ASH2L: variants seen among roughly 807,000 people sequenced by gnomAD.
ASH2L encodes ASH2 like, histone lysine methyltransferase complex subunit.
In ASH2L, 30 loss-of-function variants were observed where a neutral mutation model predicts 81.1. The ratio of observed to expected loss-of-function variants is 0.37; its 90% CI spans 0.28 to 0.50. The LOEUF (loss-of-function observed/expected upper bound fraction) is 0.50, where lower values mean the gene tolerates loss of function less well. ASH2L is among the 20% of genes least tolerant of loss of function. The pLI, the probability that ASH2L is intolerant of heterozygous loss-of-function variation, is 0.95. For missense variants in ASH2L, 559 were observed against 792.1 expected, an observed-to-expected ratio of 0.71 and a Z score of 3.53; for synonymous variants, 273 against 279.9, an observed-to-expected ratio of 0.98 and a Z score of 0.24.
At chr8:38,133,311 A>G (rs1036824175) in intron 12 of ASH2L, 143 bp from the exon 13 acceptor site, 2 of 647,176 alleles carry the variant, frequency 3.1e-6, no homozygotes, top group African/African-American at 3.7e-5. Context: ...AATAGTTCAA[A>G]ATCTAGCAAA....
intron 9 of ASH2L, among the ~76,000 whole-genome samples, chr8:38,120,050 A>G (rs1207666946): frequency 3.3e-5 from 5 of 152,298 alleles, no homozygotes; most frequent in African/African-American, 9.6e-5. Context: ...GCTTGAACCC[A>G]GGAGGCAGAG....
At chr8:38,127,282 G>C (rs1025197252) in intron 10 of ASH2L, among the ~76,000 whole-genome samples, 23 of 150,666 alleles carry the variant, frequency 1.5e-4, no homozygotes, top group South Asian at 4.2e-4. Context: ...ATGGTGAGCT[G>C]TGGTTGTGCG....
Position 38,139,118 on chromosome 8 carries a change from G to T in ASH2L, c.*47G>T. 7.1e-7 allele frequency: 1 copy of T among 1,414,264 alleles called. No individual in the cohort carries two copies. Among genetic ancestry groups the T allele is most frequent in the Non-Finnish European group, 9.6e-7 (1 of 1,045,702 alleles). The allele number at this position is 1,414,264 out of a possible 1,614,324, so 87.6% of individuals were successfully genotyped here. A position where few individuals can be genotyped will look rare whatever the true frequency, so the allele number is the denominator to read the frequency against. ...AGGACTTTCTGGGAATAATACTGGG[G>T]GTTTTGTTTTTGTTTTTGAACTGTC... On this transcript the variant is annotated 3_prime_UTR_variant, in exon 16 of 16. Transcript: ENST00000343823.
chr8:38,106,123 G>A, intron 1 of ASH2L: 2 of 1,528,032 alleles, frequency 1.3e-6, no homozygotes, highest in Non-Finnish European at 8.8e-7. Flanking sequence ...CCTCTCCCAG[G>A]ACCAACTCTA....
chr8:38,106,953 T>C (rs1378063595), intron 2 of ASH2L, 68 bp from the exon 3 acceptor site: 60 of 1,581,244 alleles, frequency 3.8e-5, no homozygotes, highest in Non-Finnish European at 5.1e-5. Context: ...CCCCGTCTCT[T>C]AAAAAAATAA....
Position 38,110,687 on chromosome 8 carries a change from A to G in ASH2L, c.491-52A>G. On this transcript the variant is annotated intron_variant, in intron 4 of 15. Coordinates refer to ENST00000343823, the MANE Select transcript of ASH2L (RefSeq NM_004674.5). Reference sequence around the variant, plus strand: ...ACCACTTATCGAGTATTCCCTTGGTAGTAGAGATGTAGTACTACAGATAAC... The same window carrying G: ...ACCACTTATCGAGTATTCCCTTGGTGGTAGAGATGTAGTACTACAGATAAC... 4 of 1,415,656 alleles carry G rather than the reference A, an allele frequency of 2.8e-6. No homozygotes were observed. The Middle Eastern group carries it at 7.0e-4, about 246-fold the overall frequency. The allele number at this position is 1,415,656 out of a possible 1,614,324, so 87.7% of individuals were successfully genotyped here. A position where few individuals can be genotyped will look rare whatever the true frequency, so the allele number is the denominator to read the frequency against.
At chr8:38,109,647 A>G (rs1810600655) in intron 3 of ASH2L, among the ~76,000 whole-genome samples, 1 of 152,158 alleles carries the variant, frequency 6.6e-6, no homozygotes, top group African/African-American at 2.4e-5. Flanking sequence ...TTGCCTTCAA[A>G]TAGGCAAGTC....
intron 8 of ASH2L, chr8:38,118,992 A>G (rs1469181185): frequency 6.4e-6 from 2 of 310,720 alleles, no homozygotes; most frequent in African/African-American, 2.3e-5. Context: ...AAGTATACCA[A>G]TAGTTGCAGT....
In ASH2L at chr8:38,128,815, A is replaced by G; in HGVS notation, c.1391A>G (p.Lys464Arg). ...TTTAGCTATTCTTGGCGGAGCAAAAAGGGAACCAAGTTCCACCAGTCCATT... is the reference window on the plus strand; with the variant it reads ...TTTAGCTATTCTTGGCGGAGCAAAAGGGGAACCAAGTTCCACCAGTCCATT... ...DKFSYSWRSK[K>R]GTKFHQSIGK... The change falls in exon 12 of 16, where the codon AAG becomes AGG. Residue 464 changes from lysine to arginine, a missense_variant. By Grantham distance (26) the Lys-to-Arg change is conservative. This residue lies in a region of ASH2L where 318 missense variants were observed against 527.0 expected (regional missense o/e 0.60). Coordinates refer to ENST00000343823, the MANE Select transcript of ASH2L (RefSeq NM_004674.5). The G allele has an allele frequency of 6.2e-7, 1 of 1,614,150 alleles. No homozygotes were observed. Among genetic ancestry groups the G allele is most frequent in the Non-Finnish European group, 8.5e-7 (1 of 1,180,024 alleles).
intron 14 of ASH2L, 73 bp from the exon 15 acceptor site, chr8:38,138,743 C>T (rs1802370190): frequency 2.3e-6 from 3 of 1,319,798 alleles, no homozygotes; most frequent in East Asian, 4.6e-5. Context: ...GTGAAAATTT[C>T]CTGTGTCAAA....
intron 3 of ASH2L, among the ~76,000 whole-genome samples, chr8:38,109,546 T>G (rs1810596155): frequency 6.6e-6 from 1 of 152,250 alleles, no homozygotes; most frequent in Non-Finnish European, 1.5e-5. Flanking sequence ...TCTTGTGCAA[T>G]CACTACCATG....
rs777459951 is a variant in ASH2L at position 38,114,929 on chromosome 8, G to C, written c.706G>C (p.Val236Leu). The change falls in exon 7 of 16, where the codon GTA (valine) becomes CTA (leucine). Residue 236 changes from valine (V) to leucine (L), a missense_variant. Transcript: ENST00000343823. The stretch of plus-strand genomic sequence containing the variant: ...GAGTAAAGAAAGAGATGTATTCTTG[G>C]TAAAGGAACACCCAGATCCAGGCAG... ...TMSKERDVFL[V>L]KEHPDPGSKD... The C allele has an allele frequency of 1.2e-6, 2 of 1,611,890 alleles. No homozygotes were observed. Among genetic ancestry groups the C allele is most frequent in the Non-Finnish European group, 1.7e-6 (2 of 1,178,200 alleles).
chr8:38,114,735 T>C (rs1398183564), intron 6 of ASH2L, 170 bp from the exon 7 acceptor site: 2 of 580,948 alleles, frequency 3.4e-6, no homozygotes, highest in Non-Finnish European at 6.2e-6. Context: ...TGTGTTTCTC[T>C]GTTGTTTGAA....
chr8:38,105,821 C>T, intron 1 of ASH2L, 83 bp downstream of exon 1: 2 of 1,464,280 alleles, frequency 1.4e-6, no homozygotes, highest in Non-Finnish European at 1.8e-6. Flanking sequence ...CCCTGCCGCC[C>T]GCCCCCTGCG....
At position 38,128,355 on chromosome 8, in the gene ASH2L, G is replaced by A. The variant is rs1563259369; in HGVS notation, c.1230G>A (p.Val410=). 1.2e-6 allele frequency: 2 copies of A among 1,614,170 alleles called. No individual in the cohort carries two copies. Among genetic ancestry groups the A allele is most frequent in the Non-Finnish European group, 1.7e-6 (2 of 1,180,032 alleles). ...TVVGEKGYSM[V]RASHGVRKGA... is the part of the protein sequence containing the mutation. ...TTGGAGAGAAGGGCTACTCTATGGT[G>A]AGGGCCTCTCATGGAGTACGGAAAG... The change falls in exon 11 of 16, where the codon GTG becomes GTA. Residue 410 remains valine (V), a synonymous_variant. Transcript: ENST00000343823.
intron 13 of ASH2L, among the ~76,000 whole-genome samples, chr8:38,134,988 A>G (rs953321003): frequency 6.6e-6 from 1 of 152,046 alleles, no homozygotes; most frequent in African/African-American, 2.4e-5. Context: ...GGGGAAAGGA[A>G]TTGATAAACA....
At chr8:38,128,189 T>C (rs557363812) in intron 10 of ASH2L, 102 bp from the exon 11 acceptor site, 1 of 1,382,046 alleles carries the variant, frequency 7.2e-7, no homozygotes, top group African/African-American at 1.5e-5. Context: ...GACCTGATAT[T>C]TGTGATTTTT....
intron 10 of ASH2L, among the ~76,000 whole-genome samples, chr8:38,127,900 G>T (rs901731627): frequency 6.6e-6 from 1 of 151,786 alleles, no homozygotes; most frequent in African/African-American, 2.4e-5. Flanking sequence ...ACAAAAATGA[G>T]CTGGGCGTGG....
At chr8:38,106,484 G>T (rs754498144) in intron 2 of ASH2L, 40 bp downstream of exon 2, 44 of 1,328,816 alleles carry the variant, frequency 3.3e-5, no homozygotes, top group Non-Finnish European at 4.1e-5. Flanking sequence ...AATAGGGTTT[G>T]TTTTAGTTAT....
Sources: gnomAD v4.1 joint callset for allele counts (sites outside exome capture counted in the v4.1 genomes callset) on GRCh38, gnomAD v4.1.1 for gene constraint, gnomAD v4.1.1 regional missense constraint, MANE v1.5 for transcripts, NCBI Gene and HGNC (gene_info 2026-07-23, HGNC 2026-07-21) for gene names.